HIBADH: variants seen among roughly 807,000 people sequenced by gnomAD.
The protein encoded by HIBADH is 3-hydroxyisobutyrate dehydrogenase, mitochondrial.
Under a neutral mutation model 36.1 loss-of-function variants are expected in HIBADH, and 25 were observed. That is an observed-to-expected ratio of 0.69 (90% CI 0.50 to 0.97). The LOEUF (loss-of-function observed/expected upper bound fraction) is 0.97, where lower values mean the gene tolerates loss of function less well. HIBADH is among the 50% of genes least tolerant of loss of function. The pLI is 0.00. For missense variants in HIBADH, 421 were observed against 418.0 expected, an observed-to-expected ratio of 1.01 and a Z score of -0.06; for synonymous variants, 160 against 149.5, an observed-to-expected ratio of 1.07 and a Z score of -0.51.
At chr7:27,627,647 CATG>C (rs1785672266) in intron 4 of HIBADH, among the ~76,000 whole-genome samples, 1 of 152,034 alleles carries the variant, frequency 6.6e-6, no homozygotes, top group Admixed American at 6.6e-5. Flanking sequence ...TGTAACATAC[CATG>C]TTAAAAAATA....
In HIBADH at chr7:27,563,900, CTTTTTT is replaced by C. The variant is rs56869443; in HGVS notation, c.485-20806_485-20801del. Among the ~76,000 whole-genome samples the C allele has an allele frequency of 4.5e-3, 606 of 133,496 alleles. 4 individuals are homozygous for C. The highest frequency in any genetic ancestry group is 0.014 in the South Asian group (60 of 4,214). 87.6% of individuals were successfully genotyped at this position (133,496 alleles called of 152,430 possible). A position where few individuals can be genotyped will look rare whatever the true frequency, so the allele number is the denominator to read the frequency against. Reference sequence around the variant, plus strand: ...AGCAGAGGAGAAGTTTGTTAATTTTCTTTTTTTTTTTTTTTTGAGATGGAGTCTGGC... The same window carrying C: ...AGCAGAGGAGAAGTTTGTTAATTTTCTTTTTTTTTTGAGATGGAGTCTGGC... On this transcript the variant is annotated intron_variant, in intron 4 of 7. Coordinates refer to ENST00000265395, the MANE Select transcript of HIBADH (RefSeq NM_152740.4).
intron 4 of HIBADH, among the ~76,000 whole-genome samples, chr7:27,584,098 G>T (rs531934168): frequency 1.2e-4 from 18 of 151,942 alleles, no homozygotes; most frequent in African/African-American, 4.3e-4. Context: ...AAGTAAGAGA[G>T]AATTTTAATA....
At chr7:27,655,289 C>T (rs1786278180) in intron 1 of HIBADH, among the ~76,000 whole-genome samples, 1 of 152,082 alleles carries the variant, frequency 6.6e-6, no homozygotes, top group African/African-American at 2.4e-5. Context: ...GGAATCACTG[C>T]TAATTGGCTT....
At chr7:27,646,265 G>A (rs1369287528) in intron 2 of HIBADH, among the ~76,000 whole-genome samples, 1 of 152,130 alleles carries the variant, frequency 6.6e-6, no homozygotes, top group Non-Finnish European at 1.5e-5. Flanking sequence ...TTATAAATAG[G>A]TTAACAGGTA....
At chr7:27,581,256 G>A (rs1054251187) in intron 4 of HIBADH, among the ~76,000 whole-genome samples, 1 of 152,134 alleles carries the variant, frequency 6.6e-6, no homozygotes, top group Non-Finnish European at 1.5e-5. Context: ...CCAATGCAGA[G>A]CAAATGAACA....
intron 4 of HIBADH, among the ~76,000 whole-genome samples, chr7:27,579,838 C>T (rs1463370908): frequency 6.6e-6 from 1 of 152,150 alleles, no homozygotes; most frequent in African/African-American, 2.4e-5. Flanking sequence ...AAAAAAGCAG[C>T]GAGGTATCTT....
chr7:27,574,567 C>CATAG lies in HIBADH; in HGVS notation c.485-31471_485-31468dup, dbSNP rs371829921. On this transcript the variant is annotated intron_variant, in intron 4 of 7. Transcript: ENST00000265395. ...AGTTAGCTTCTGTCATAACTAAGTA[C>CATAG]ATAGATAGGTTCAGACATGCAAAAC... Among the ~76,000 whole-genome samples, 638 of 152,144 alleles carry CATAG rather than the reference C, an allele frequency of 4.2e-3. 4 individuals are homozygous for CATAG. The highest frequency in any genetic ancestry group is 0.02 in the Middle Eastern group (6 of 294).
At chr7:27,541,950 C>T (rs569597400) in intron 5 of HIBADH, among the ~76,000 whole-genome samples, 189 of 152,266 alleles carry the variant, frequency 1.2e-3, no homozygotes, top group African/African-American at 4.3e-3. Flanking sequence ...TACAGTATTA[C>T]TAGAGTTAAT....
chr7:27,599,680 C>CAA (rs3072889), intron 4 of HIBADH, among the ~76,000 whole-genome samples: 15,743 of 40,716 alleles, frequency 0.39, 3,731 homozygotes, highest in East Asian at 0.74. Flanking sequence ...ACTCTGTCTC[C>CAA]AAAAAAAAAA....
At position 27,629,363 on chromosome 7, in the gene HIBADH, C is replaced by G; in HGVS notation, c.484+8G>C. On this transcript the variant is annotated splice_region_variant and intron_variant, in intron 4 of 7. Transcript: ENST00000265395. ...AATAGGTTTGCATATATTTTAGCTA[C>G]CACTTACCACCAGAAACAGGGGCAT... The G allele has an allele frequency of 6.2e-7, 1 of 1,607,976 alleles. No individual in the cohort carries two copies. The highest frequency in any genetic ancestry group is 8.5e-7 in the Non-Finnish European group (1 of 1,177,314).
chr7:27,649,363 A>G lies in HIBADH; in HGVS notation c.252+110T>C, dbSNP rs376672596. On this transcript the variant is annotated intron_variant, in intron 2 of 7. Transcript: ENST00000265395. ...TACATATATATAAAATTAACACTGA[A>G]TTAGGTTTACAACTCCATTGGGTAT... The G allele has an allele frequency of 4.4e-4, 336 of 759,674 alleles. 9 individuals carry two copies. The South Asian group carries it at 8.6e-3, about 19-fold the overall frequency. 47.1% of individuals were successfully genotyped at this position (759,674 alleles called of 1,614,324 possible).
chr7:27,657,336 G>A (rs1786324665), intron 1 of HIBADH, among the ~76,000 whole-genome samples: 1 of 152,128 alleles, frequency 6.6e-6, no homozygotes, highest in Admixed American at 6.6e-5. Context: ...CTTATGAAAT[G>A]AGGAAACAAG....
intron 4 of HIBADH, among the ~76,000 whole-genome samples, chr7:27,596,411 G>A (rs975417445): frequency 6.6e-6 from 1 of 152,024 alleles, no homozygotes; most frequent in Non-Finnish European, 1.5e-5. Flanking sequence ...GAATTCTGGG[G>A]GATACATTCG....
intron 4 of HIBADH, among the ~76,000 whole-genome samples, chr7:27,623,997 A>G (rs1785593778): frequency 6.6e-6 from 1 of 152,110 alleles, no homozygotes; most frequent in Non-Finnish European, 1.5e-5. Flanking sequence ...CAGGTTTCAC[A>G]TTGTTGCCCA....
At chr7:27,553,339 AG>A (rs1309272078) in intron 4 of HIBADH, among the ~76,000 whole-genome samples, 1 of 152,232 alleles carries the variant, frequency 6.6e-6, no homozygotes, top group African/African-American at 2.4e-5. Flanking sequence ...TGGAAGCAAT[AG>A]CCGTTCTTCT....
intron 4 of HIBADH, among the ~76,000 whole-genome samples, chr7:27,569,253 T>C (rs1401980217): frequency 1.3e-5 from 2 of 152,232 alleles, no homozygotes; most frequent in Non-Finnish European, 1.5e-5. Flanking sequence ...AGCATGGTTA[T>C]AACAGCTGTT....
At chr7:27,591,880 T>C (rs917953884) in intron 4 of HIBADH, among the ~76,000 whole-genome samples, 21 of 152,202 alleles carry the variant, frequency 1.4e-4, no homozygotes, top group African/African-American at 5.1e-4. Context: ...TAAATGCTTT[T>C]CTGAATACAG....
chr7:27,554,200 G>C (rs1474441614), intron 4 of HIBADH, among the ~76,000 whole-genome samples: 25 of 152,264 alleles, frequency 1.6e-4, no homozygotes, highest in Non-Finnish European at 1.0e-4. Flanking sequence ...TGGCCAGGCT[G>C]GTCTCGAACT....
At chr7:27,657,679 CAGTATAATTAGA>C (rs894645441) in intron 1 of HIBADH, among the ~76,000 whole-genome samples, 1 of 151,922 alleles carries the variant, frequency 6.6e-6, no homozygotes, top group African/African-American at 2.4e-5. Flanking sequence ...AAAGAAAGGC[CAGTATAATTAGA>C]TGACCTGATG....
Sources: allele counts gnomAD v4.1 joint callset (sites outside exome capture counted in the v4.1 genomes callset), GRCh38; gene constraint gnomAD v4.1.1; transcripts MANE v1.5; gene names NCBI Gene and HGNC (gene_info 2026-07-23, HGNC 2026-07-21).